TMEM38B: variants seen among roughly 807,000 people sequenced by gnomAD.
TMEM38B encodes trimeric intracellular cation channel type B.
Under a neutral mutation model 28.7 loss-of-function variants are expected in TMEM38B, and 24 were observed. The observed-to-expected ratio is 0.84, with a 90% CI of 0.61 to 1.18. The LOEUF (loss-of-function observed/expected upper bound fraction) is 1.18, where lower values mean the gene tolerates loss of function less well. Among genes scored for constraint, TMEM38B ranks in the 50% most tolerant of loss-of-function variants. The pLI is 0.00. For missense variants in TMEM38B, 380 were observed against 350.9 expected (o/e 1.08, Z -0.66); for synonymous variants, 131 against 127.7 (o/e 1.03, Z -0.17).
intron 5 of TMEM38B, among the ~76,000 whole-genome samples, chr9:105,769,088 G>T (rs1826464082): frequency 6.6e-6 from 1 of 152,154 alleles, no homozygotes; most frequent in African/African-American, 2.4e-5. Context: ...ATATCAGAGG[G>T]CTGGTATGCC....
At chr9:105,720,353 T>C (rs925589149) in intron 2 of TMEM38B, among the ~76,000 whole-genome samples, 13 of 152,014 alleles carry the variant, frequency 8.6e-5, no homozygotes, top group African/African-American at 2.9e-4. Context: ...TTTTATATTA[T>C]AAAGAATAAT....
rs1281934256 is a variant in TMEM38B at position 105,748,163 on chromosome 9, T to G, written c.633T>G (p.Leu211=). 2 of 1,612,910 alleles carry G rather than the reference T, an allele frequency of 1.2e-6. No individual in the cohort carries two copies. The highest frequency in any genetic ancestry group is 2.2e-5 in the South Asian group (2 of 90,978). ...LAISKHNLMF[L]YTIFIVATKI... Reference sequence around the variant, plus strand: ...TATCAAAGCATAATCTTATGTTCCTTTATACCATCTTTATTGTGGCCACAA... The same window carrying G: ...TATCAAAGCATAATCTTATGTTCCTGTATACCATCTTTATTGTGGCCACAA... Residue 211 remains leucine (L), a synonymous_variant, in exon 5 of 6, where the codon CTT becomes CTG. Coordinates refer to ENST00000374692, the MANE Select transcript of TMEM38B (RefSeq NM_018112.3).
intron 4 of TMEM38B, among the ~76,000 whole-genome samples, chr9:105,728,504 T>A (rs1415893777): frequency 6.6e-6 from 1 of 152,210 alleles, no homozygotes; most frequent in East Asian, 1.9e-4. Flanking sequence ...GACATTTTGG[T>A]TGGTTCCAAG....
At chr9:105,712,964 C>T (rs1835958152) in intron 2 of TMEM38B, among the ~76,000 whole-genome samples, 1 of 152,218 alleles carries the variant, frequency 6.6e-6, no homozygotes, top group African/African-American at 2.4e-5. Context: ...TCCTGGATGC[C>T]AGCCCAGGCC....
intron 4 of TMEM38B, among the ~76,000 whole-genome samples, chr9:105,724,125 T>G (rs532400483): frequency 4.6e-5 from 7 of 152,116 alleles, no homozygotes; most frequent in African/African-American, 1.7e-4. Flanking sequence ...CTTGAGCCAC[T>G]GTGCCTGGCC....
At chr9:105,767,283 A>G (rs1350409712) in intron 5 of TMEM38B, among the ~76,000 whole-genome samples, 2 of 152,184 alleles carry the variant, frequency 1.3e-5, no homozygotes, top group Non-Finnish European at 2.9e-5. Context: ...TTTCTAGACT[A>G]TATTCTGTTC....
chr9:105,695,220 ATG>A (rs1006467783), intron 1 of TMEM38B, among the ~76,000 whole-genome samples: 5 of 143,206 alleles, frequency 3.5e-5, no homozygotes, highest in African/African-American at 1.2e-4. Context: ...TTTGAAAGTC[ATG>A]TGAGGAGACA....
intron 5 of TMEM38B, among the ~76,000 whole-genome samples, chr9:105,770,930 C>T (rs1365443892): frequency 6.6e-6 from 1 of 152,136 alleles, no homozygotes; most frequent in Non-Finnish European, 1.5e-5. Flanking sequence ...AGTGTATTCT[C>T]AGTGCTAGGC....
At chr9:105,702,151 G>A (rs10978207) in intron 1 of TMEM38B, among the ~76,000 whole-genome samples, 1,547 of 152,268 alleles carry the variant, frequency 0.01, 23 homozygotes, top group African/African-American at 0.035. Context: ...TGTTGCTTAC[G>A]TGATTATTTT....
intron 5 of TMEM38B, among the ~76,000 whole-genome samples, chr9:105,754,404 A>T (rs1216204268): frequency 6.6e-6 from 1 of 152,222 alleles, no homozygotes; most frequent in Non-Finnish European, 1.5e-5. Flanking sequence ...CTCCTCAGCA[A>T]ATGTAAAAGA....
intron 5 of TMEM38B, among the ~76,000 whole-genome samples, chr9:105,756,534 A>G (rs1348517606): frequency 6.6e-6 from 1 of 152,146 alleles, no homozygotes; most frequent in Non-Finnish European, 1.5e-5. Flanking sequence ...AATGTGTATT[A>G]TGGGTTTGGT....
intron 4 of TMEM38B, among the ~76,000 whole-genome samples, chr9:105,746,828 G>T (rs1350921692): frequency 6.6e-6 from 1 of 152,280 alleles, no homozygotes; most frequent in South Asian, 2.1e-4. Flanking sequence ...TGCATCTATT[G>T]AGATAATCGT....
At chr9:105,707,650 A>G (rs982863043) in intron 2 of TMEM38B, among the ~76,000 whole-genome samples, 1 of 152,228 alleles carries the variant, frequency 6.6e-6, no homozygotes, top group Non-Finnish European at 1.5e-5. Flanking sequence ...ATTCATTGTT[A>G]TATTTAATCA....
Position 105,748,113 on chromosome 9 carries a change from T to C in TMEM38B, c.583T>C (p.Phe195Leu), listed in dbSNP as rs1837497757. The C allele has an allele frequency of 6.2e-7, 1 of 1,613,528 alleles. No homozygotes were observed. The highest frequency in any genetic ancestry group is 8.5e-7 in the Non-Finnish European group (1 of 1,179,698). ...VTLLGSVIFT[F>L]QHTQHLAISK... is the part of the protein sequence containing the mutation. ...CCTGCTGGGGTCAGTTATCTTCACA[T>C]TCCAGCACACCCAGCATCTGGCAAT... is the stretch of plus-strand genomic sequence containing the variant. Residue 195 changes from phenylalanine (F) to leucine (L), a missense_variant, in exon 5 of 6, where the codon TTC becomes CTC. Transcript: ENST00000374692.
At chr9:105,746,466 G>A (rs1837397830) in intron 4 of TMEM38B, among the ~76,000 whole-genome samples, 1 of 152,226 alleles carries the variant, frequency 6.6e-6, no homozygotes, top group Admixed American at 6.5e-5. Flanking sequence ...ATCAGCTTAA[G>A]GAGATTTTGG....
chr9:105,699,672 T>C (rs1835400064), intron 1 of TMEM38B, among the ~76,000 whole-genome samples: 1 of 152,204 alleles, frequency 6.6e-6, no homozygotes, highest in Non-Finnish European at 1.5e-5. Flanking sequence ...TCTATGTAAC[T>C]TTTGCTTCAT....
intron 5 of TMEM38B, 90 bp from the exon 6 acceptor site, chr9:105,773,775 T>G: frequency 8.1e-7 from 1 of 1,234,338 alleles, no homozygotes; most frequent in Non-Finnish European, 1.1e-6. Context: ...ACATTAATAA[T>G]GCATTTTGAT....
chr9:105,734,377 G>T (rs146606646), intron 4 of TMEM38B, among the ~76,000 whole-genome samples: 1 of 152,126 alleles, frequency 6.6e-6, no homozygotes, highest in East Asian at 1.9e-4. Flanking sequence ...CCATCCTGGA[G>T]AATGTTTTAT....
At chr9:105,732,402 G>A (rs1228735026) in intron 4 of TMEM38B, among the ~76,000 whole-genome samples, 1 of 152,174 alleles carries the variant, frequency 6.6e-6, no homozygotes, top group Non-Finnish European at 1.5e-5. Context: ...GTCCTGAATG[G>A]TATTGCCTAG....
Sources: gnomAD v4.1 joint callset for allele counts (sites outside exome capture counted in the v4.1 genomes callset) on GRCh38, gnomAD v4.1.1 for gene constraint, MANE v1.5 for transcripts, NCBI Gene and HGNC (gene_info 2026-07-23, HGNC 2026-07-21) for gene names.